Variants in ZNF502 observed in about 807,000 individuals in gnomAD.
ZNF502 encodes the protein zinc finger protein 502.
A neutral mutation model predicts 43.6 loss-of-function variants in ZNF502; 29 were observed. The ratio of observed to expected loss-of-function variants is 0.67; its 90% CI spans 0.50 to 0.91. ZNF502 has a LOEUF of 0.91. Ranked by LOEUF, ZNF502 falls within the 40% of genes least tolerant of loss-of-function variation. ZNF502 has a pLI of 0.00. For synonymous variants in ZNF502, 171 were observed against 207.4 expected, an observed-to-expected ratio of 0.82 and a Z score of 1.51; for missense variants, 591 against 647.2, an observed-to-expected ratio of 0.91 and a Z score of 0.94.
At chr3:44,720,106 T>C in intron 1 of ZNF502, 97 bp from the exon 2 acceptor site, 4 of 748,748 alleles carry the variant, frequency 5.3e-6, no homozygotes, top group Non-Finnish European at 9.3e-6. Context: ...GTGTGTGTTA[T>C]TAGATAGTGT....
chr3:44,713,663 C>T (rs1704077581), intron 1 of ZNF502, among the ~76,000 whole-genome samples: 1 of 152,028 alleles, frequency 6.6e-6, no homozygotes, highest in Non-Finnish European at 1.5e-5. Context: ...TCACCACAAC[C>T]TCTGCCTCCC....
chr3:44,719,485 T>C (rs1013852472), intron 1 of ZNF502, among the ~76,000 whole-genome samples: 1 of 152,254 alleles, frequency 6.6e-6, no homozygotes, highest in African/African-American at 2.4e-5. Context: ...AATGGAGAGA[T>C]ATTTTTGAGT....
chr3:44,714,170 G>C (rs1704089249), intron 1 of ZNF502, among the ~76,000 whole-genome samples: 1 of 152,212 alleles, frequency 6.6e-6, no homozygotes, highest in African/African-American at 2.4e-5. Flanking sequence ...CTGGGGAAAA[G>C]CTTACAAGGT....
chr3:44,718,519 C>T (rs1411705021), intron 1 of ZNF502, among the ~76,000 whole-genome samples: 1 of 152,162 alleles, frequency 6.6e-6, no homozygotes, highest in Non-Finnish European at 1.5e-5. Flanking sequence ...TTTTAGGGTT[C>T]TGTTTGAACT....
chr3:44,714,534 T>C (rs1158694085), intron 1 of ZNF502: 3 of 152,044 alleles, frequency 2.0e-5, no homozygotes, highest in Non-Finnish European at 2.9e-5. Flanking sequence ...AGACAGAGAC[T>C]ATATTTTCCA....
intron 1 of ZNF502, among the ~76,000 whole-genome samples, chr3:44,718,810 T>C (rs1183408400): frequency 1.3e-5 from 2 of 152,020 alleles, no homozygotes; most frequent in Non-Finnish European, 1.5e-5. Context: ...CCAGATAGGG[T>C]GTCTGGCTTC....
rs1704388494 is a variant in ZNF502 at position 44,722,474 on chromosome 3, AG to A, written c.*23del. The A allele has an allele frequency of 6.3e-7, 1 of 1,586,066 alleles. No homozygotes were observed. The highest frequency in any genetic ancestry group is 1.7e-5 in the Admixed American group (1 of 58,118). Reference sequence around the variant, plus strand: ...CTAATGCTGCCATTTAGGTTATGACAGTTTCTCTAGCGAGGATGACTACGAA... The same window carrying A: ...CTAATGCTGCCATTTAGGTTATGACATTTCTCTAGCGAGGATGACTACGAA... On this transcript the variant is annotated 3_prime_UTR_variant, in exon 3 of 3. Transcript: ENST00000436624.
At chr3:44,720,820 G>A in intron 2 of ZNF502, 53 bp from the exon 3 acceptor site, 3 of 1,534,090 alleles carry the variant, frequency 2.0e-6, no homozygotes, top group Non-Finnish European at 2.6e-6. Context: ...ACAGTTTCAG[G>A]GGCCTTCACT....
chr3:44,719,536 C>A (rs561944636), intron 1 of ZNF502, among the ~76,000 whole-genome samples: 1 of 152,348 alleles, frequency 6.6e-6, no homozygotes, highest in East Asian at 1.9e-4. Flanking sequence ...GCAGCATTTA[C>A]AGAAACTGGT....
chr3:44,722,006 C>T lies in ZNF502; in HGVS notation c.1189C>T (p.His397Tyr), dbSNP rs1704362534. 6.2e-7 allele frequency: 1 copy of T among 1,614,066 alleles called. No homozygotes were observed. The highest frequency in any genetic ancestry group is 2.2e-5 in the East Asian group (1 of 44,900). Residue 397 changes from histidine (H) to tyrosine (Y), a missense_variant, in exon 3 of 3, where the codon CAT becomes TAT. Transcript: ENST00000436624. ...AFTQSTPLTK[H>Y]QRIHTGERPY... The stretch of plus-strand genomic sequence containing the variant: ...TACTCAGAGCACCCCACTCACTAAA[C>T]ATCAGAGAATACATACAGGGGAGAG...
intron 1 of ZNF502, chr3:44,714,488 C>T (rs1286947479): frequency 6.6e-6 from 1 of 152,140 alleles, no homozygotes; most frequent in Non-Finnish European, 1.5e-5. Flanking sequence ...TTGTCTGTTT[C>T]TGTTTTCAGA....
rs766681055 is a variant in ZNF502, at chr3:44,720,889, C to A, written c.72C>A (p.Asn24Lys). 1 of 1,611,468 alleles carries A rather than the reference C, an allele frequency of 6.2e-7. No homozygotes were observed. Among genetic ancestry groups the A allele is most frequent in the Non-Finnish European group, 8.5e-7 (1 of 1,178,800 alleles). ...RETCPGWVNK[N>K]KPALEQDVCK... ...TTCTTTCAGGCTGGGTAAACAAGAA[C>A]AAGCCTGCTCTGGAGCAGGATGTCT... The change falls in exon 3 of 3, where the codon AAC becomes AAA. Residue 24 changes from asparagine (N) to lysine (K), a missense_variant. Transcript: ENST00000436624.
chr3:44,712,951 A>G (rs1704058153), intron 1 of ZNF502, among the ~76,000 whole-genome samples: 2 of 152,232 alleles, frequency 1.3e-5, no homozygotes, highest in South Asian at 2.1e-4. Context: ...GGCCCAGCAC[A>G]GTGCCCGGCA....
In ZNF502 at chr3:44,721,993, C is replaced by A. The variant is rs777904951; in HGVS notation, c.1176C>A (p.Thr392=). 1.9e-6 allele frequency: 3 copies of A among 1,613,928 alleles called. No homozygotes were observed. The East Asian group carries it at 6.7e-5, about 36-fold the overall frequency. Residue 392 remains threonine (T), a synonymous_variant, in exon 3 of 3, where the codon ACC becomes ACA. Transcript: ENST00000436624. ...KECGKAFTQS[T]PLTKHQRIHT... ...GTGGCAAAGCGTTTACTCAGAGCACCCCACTCACTAAACATCAGAGAATAC... is the reference window on the plus strand; with the variant it reads ...GTGGCAAAGCGTTTACTCAGAGCACACCACTCACTAAACATCAGAGAATAC...
At chr3:44,714,581 C>T (rs1704098209) in intron 1 of ZNF502, 1 of 152,158 alleles carries the variant, frequency 6.6e-6, no homozygotes, top group African/African-American at 2.4e-5. Flanking sequence ...TGCTTTCTGG[C>T]CTGTTACAGA....
chr3:44,715,872 C>G (rs2125863221), intron 1 of ZNF502, among the ~76,000 whole-genome samples: 1 of 152,178 alleles, frequency 6.6e-6, no homozygotes, highest in East Asian at 1.9e-4. Context: ...TATATTTTAA[C>G]AAACATATAT....
intron 2 of ZNF502, 134 bp downstream of exon 2, chr3:44,720,450 G>T: frequency 1.2e-6 from 1 of 848,138 alleles, no homozygotes. Flanking sequence ...GGACAGGGGT[G>T]GGTGAACATG....
At chr3:44,717,405 CTTTTT>C (rs34497930) in intron 1 of ZNF502, among the ~76,000 whole-genome samples, 1 of 76,030 alleles carries the variant, frequency 1.3e-5, no homozygotes, top group Admixed American at 1.7e-4. Flanking sequence ...GTGATGCAAT[CTTTTT>C]TTTTTTTTTT....
rs374708733 is a variant in ZNF502, at chr3:44,720,194, C to A, written c.-59-9C>A. 20 of 1,562,818 alleles carry A rather than the reference C, an allele frequency of 1.3e-5. No homozygotes were observed. The highest frequency in any genetic ancestry group is 1.8e-5 in the Non-Finnish European group (20 of 1,133,560). On this transcript the variant is annotated splice_polypyrimidine_tract_variant and intron_variant, in intron 1 of 2. Coordinates refer to ENST00000436624, the MANE Select transcript of ZNF502 (RefSeq NM_001134442.3). ...CCTCCCTCCCTGCACCTTTTCTCCC[C>A]ATGAGCAGGGTTCCCAGTTTTCCAG...
Sources: allele counts gnomAD v4.1 joint callset (sites outside exome capture counted in the v4.1 genomes callset), GRCh38; gene constraint gnomAD v4.1.1; transcripts MANE v1.5; gene names NCBI Gene and HGNC (gene_info 2026-07-23, HGNC 2026-07-21).